Variants in SGO2 observed in about 807,000 individuals in gnomAD.
The protein encoded by SGO2 is shugoshin-like 2.
In SGO2, 68 loss-of-function variants were observed where a neutral mutation model predicts 99.5. The observed-to-expected ratio is 0.68, with a 90% CI of 0.56 to 0.84. The LOEUF (loss-of-function observed/expected upper bound fraction) is 0.84. SGO2 is among the 40% of genes least tolerant of loss of function. The probability of loss-of-function intolerance (pLI) is 0.00; values close to 1 mark genes in which losing one functional copy is unlikely to be tolerated. For missense variants in SGO2, 1,350 were observed against 1,436.7 expected, an observed-to-expected ratio of 0.94 and a Z score of 0.97; for synonymous variants, 457 against 487.1, an observed-to-expected ratio of 0.94 and a Z score of 0.81.
intron 4 of SGO2, among the ~76,000 whole-genome samples, chr2:200,536,952 T>G (rs937903182): frequency 1.3e-5 from 2 of 152,092 alleles, no homozygotes; most frequent in East Asian, 1.9e-4. Context: ...ATCTATTTCT[T>G]TATATAAAAA....
In SGO2 at chr2:200,526,565, G is replaced by A. The variant is rs1451729701; in HGVS notation, c.-3+313G>A. On this transcript the variant is annotated intron_variant, in intron 1 of 8. Transcript: ENST00000357799. This position sits in a 1 kb window ranked among gnomAD's most constrained non-coding sequence, Gnocchi z 4.8. ...GTCTCTGGGACTGCTCTACTCCCTT[G>A]AACAGTTTCTAGGGCATTGTGAGCG... 1.3e-5 allele frequency among the ~76,000 whole-genome samples: 2 copies of A among 152,144 alleles called. No homozygotes were observed. Among genetic ancestry groups the A allele is most frequent in the African/African-American group, 4.8e-5 (2 of 41,432 alleles).
At chr2:200,541,970 C>G (rs2031984161) in intron 4 of SGO2, among the ~76,000 whole-genome samples, 5 of 151,952 alleles carry the variant, frequency 3.3e-5, no homozygotes, top group African/African-American at 1.2e-4. Context: ...TCAAAGTTTT[C>G]TTTGTTTTTT....
intron 4 of SGO2, among the ~76,000 whole-genome samples, chr2:200,540,868 G>T (rs1378753397): frequency 1.3e-5 from 2 of 152,166 alleles, no homozygotes; most frequent in Non-Finnish European, 2.9e-5. Flanking sequence ...CACATACAGG[G>T]TAATTTATTG....
chr2:200,580,892 C>G (rs939624293), intron 8 of SGO2, among the ~76,000 whole-genome samples: 4 of 152,100 alleles, frequency 2.6e-5, no homozygotes, highest in Non-Finnish European at 5.9e-5. Context: ...CTTTTGCAAT[C>G]AATTTTTCTC....
chr2:200,532,292 T>G (rs1559196970), intron 1 of SGO2: 3 of 518,336 alleles, frequency 5.8e-6, no homozygotes, highest in East Asian at 1.5e-4. Flanking sequence ...TTGTTTTTTT[T>G]TTTTTTTCAG....
At chr2:200,530,970 GTC>G (rs1432817987) in intron 1 of SGO2, among the ~76,000 whole-genome samples, 2 of 152,208 alleles carry the variant, frequency 1.3e-5, no homozygotes, top group Admixed American at 1.3e-4. Context: ...TGGAGTGGTA[GTC>G]TGAGTATGAA....
At chr2:200,577,519 A>T (rs1396501877) in intron 8 of SGO2, among the ~76,000 whole-genome samples, 1 of 152,218 alleles carries the variant, frequency 6.6e-6, no homozygotes, top group Non-Finnish European at 1.5e-5. Context: ...GCCCACAGTA[A>T]AATTATCAAA....
At chr2:200,544,779 A>T (rs2032136719) in intron 5 of SGO2, among the ~76,000 whole-genome samples, 1 of 152,148 alleles carries the variant, frequency 6.6e-6, no homozygotes, top group Non-Finnish European at 1.5e-5. Context: ...TAAAGGAGTT[A>T]TACCAATTTA....
rs982914454 is a variant in SGO2 at position 200,571,410 on chromosome 2, A to G, written c.1064A>G (p.Gln355Arg). ...MNQIEDNDDF[Q>R]LQKTVYDADM... ...CAAATTGAGGATAATGATGACTTTC[A>G]ATTGCAGAAAACTGTGTATGATGCT... The change falls in exon 7 of 9, where the codon CAA (glutamine) becomes CGA (arginine). Residue 355 changes from glutamine (Q) to arginine (R), a missense_variant. By Grantham distance (43) the Gln-to-Arg change is conservative (BLOSUM62 1). Transcript: ENST00000357799. The G allele has an allele frequency of 6.2e-7, 1 of 1,609,478 alleles. No homozygotes were observed. The highest frequency in any genetic ancestry group is 1.1e-5 in the South Asian group (1 of 90,564).
chr2:200,566,999 C>G (rs2033216066), intron 5 of SGO2, among the ~76,000 whole-genome samples: 1 of 152,170 alleles, frequency 6.6e-6, no homozygotes, highest in African/African-American at 2.4e-5. Context: ...AAGGGAATTC[C>G]CTGACCCCTT....
At chr2:200,561,372 A>G (rs2032957979) in intron 5 of SGO2, among the ~76,000 whole-genome samples, 1 of 152,054 alleles carries the variant, frequency 6.6e-6, no homozygotes, top group South Asian at 2.1e-4. Flanking sequence ...AAGGACATGA[A>G]CTCATCCTTT....
intron 5 of SGO2, among the ~76,000 whole-genome samples, chr2:200,545,116 C>T (rs1041268421): frequency 6.6e-6 from 1 of 152,188 alleles, no homozygotes; most frequent in Non-Finnish European, 1.5e-5. Context: ...AAGCGATCCT[C>T]TCTCCTCAGT....
chr2:200,541,376 A>G (rs1173641335), intron 4 of SGO2, among the ~76,000 whole-genome samples: 3 of 152,164 alleles, frequency 2.0e-5, no homozygotes, highest in African/African-American at 7.2e-5. Context: ...AGAGCCTGCC[A>G]AAATTATTCA....
intron 4 of SGO2, among the ~76,000 whole-genome samples, chr2:200,540,989 A>T (rs1022315232): frequency 6.6e-6 from 1 of 152,152 alleles, no homozygotes; most frequent in African/African-American, 2.4e-5. Flanking sequence ...GTCCAAGAGC[A>T]TGATGCTGAC....
At chr2:200,551,983 A>G (rs1236679723) in intron 5 of SGO2, among the ~76,000 whole-genome samples, 1 of 152,182 alleles carries the variant, frequency 6.6e-6, no homozygotes, top group African/African-American at 2.4e-5. Flanking sequence ...TGAATTTTAG[A>G]ATCAGCTTGT....
Position 200,572,937 on chromosome 2 carries a change from C to T in SGO2, c.2591C>T (p.Thr864Ile). 6.3e-7 allele frequency: 1 copy of T among 1,598,300 alleles called. No individual in the cohort carries two copies. ...ENLQVTNEFQ[T>I]VDLLIKDNGN... ...CTACAAGTCACAAATGAATTTCAAA[C>T]AGTTGATCTTCTCATCAAAGATAAT... Residue 864 changes from threonine (T) to isoleucine (I), a missense_variant, in exon 7 of 9, where the codon ACA becomes ATA. Thr to Ile is a moderately conservative substitution (Grantham distance 89). Coordinates refer to ENST00000357799, the MANE Select transcript of SGO2 (RefSeq NM_152524.6).
chr2:200,553,999 A>G (rs1451050289), intron 5 of SGO2, among the ~76,000 whole-genome samples: 2 of 152,216 alleles, frequency 1.3e-5, no homozygotes, highest in African/African-American at 2.4e-5. Context: ...AGGAAAGCAC[A>G]CCATTCCAGT....
chr2:200,583,034 G>A (rs928999922), intron 8 of SGO2, among the ~76,000 whole-genome samples: 1 of 152,108 alleles, frequency 6.6e-6, no homozygotes, highest in African/African-American at 2.4e-5. Flanking sequence ...TCCCTTTTTG[G>A]GGGAGGAGAG....
chr2:200,582,589 AAAGTT>A (rs1363574110), intron 8 of SGO2, among the ~76,000 whole-genome samples: 3 of 152,150 alleles, frequency 2.0e-5, no homozygotes, highest in African/African-American at 4.8e-5. Context: ...AGGCAAAAAA[AAAGTT>A]AAGCTGAGGA....
Sources: gnomAD v4.1 joint callset for allele counts (sites outside exome capture counted in the v4.1 genomes callset) on GRCh38, gnomAD v4.1.1 for gene constraint, Gnocchi (gnomAD v3.1) non-coding constraint, MANE v1.5 for transcripts, NCBI Gene and HGNC (gene_info 2026-07-23, HGNC 2026-07-21) for gene names.